LRIG3: variants seen among roughly 807,000 people sequenced by gnomAD.
LRIG3 encodes leucine rich repeats and immunoglobulin like domains 3.
Under a neutral mutation model 114.5 loss-of-function variants are expected in LRIG3, and 76 were observed. That is an observed-to-expected ratio of 0.66 (90% confidence interval 0.55 to 0.80). The LOEUF (loss-of-function observed/expected upper bound fraction) is 0.80. Ranked by LOEUF, LRIG3 falls within the 30% of genes least tolerant of loss-of-function variation. The probability of loss-of-function intolerance (pLI) is 0.00; values close to 1 mark genes in which losing one functional copy is unlikely to be tolerated. For missense variants in LRIG3, 1,239 were observed against 1,382.8 expected (o/e 0.90, Z 1.65); for synonymous variants, 512 against 519.8 (o/e 0.98, Z 0.20).
At chr12:58,884,354 G>C (rs982765624) in intron 10 of LRIG3, among the ~76,000 whole-genome samples, 35 of 152,098 alleles carry the variant, frequency 2.3e-4, no homozygotes, top group Admixed American at 6.6e-5. Context: ...CTTTACAGGG[G>C]TCACAGTATA....
intron 2 of LRIG3, 85 bp from the exon 3 acceptor site, chr12:58,914,141 C>G: frequency 2.0e-6 from 3 of 1,515,112 alleles, no homozygotes; most frequent in Non-Finnish European, 1.8e-6. Flanking sequence ...CATATTATTT[C>G]AAGATACCAC....
At chr12:58,886,651 T>G (rs1871284467) in intron 9 of LRIG3, among the ~76,000 whole-genome samples, 159 bp downstream of exon 9, 1 of 152,174 alleles carries the variant, frequency 6.6e-6, no homozygotes, top group African/African-American at 2.4e-5. Flanking sequence ...ATATACATCT[T>G]GCGCAACAGC....
chr12:58,893,531 C>T (rs945306037), intron 3 of LRIG3, among the ~76,000 whole-genome samples: 4 of 152,106 alleles, frequency 2.6e-5, no homozygotes, highest in Non-Finnish European at 5.9e-5. Context: ...TGACCATTTC[C>T]CACATCTGGA....
intron 10 of LRIG3, among the ~76,000 whole-genome samples, chr12:58,885,239 G>C (rs1871239564): frequency 6.6e-6 from 1 of 152,114 alleles, no homozygotes; most frequent in African/African-American, 2.4e-5. Context: ...CAATGGTAAG[G>C]GGGGGTTGTA....
chr12:58,904,846 T>C (rs1271126950), intron 3 of LRIG3, among the ~76,000 whole-genome samples: 1 of 152,210 alleles, frequency 6.6e-6, no homozygotes, highest in Non-Finnish European at 1.5e-5. Flanking sequence ...TCAGCTGCTG[T>C]AAAATTTCAT....
At chr12:58,907,320 G>T (rs145941755) in intron 3 of LRIG3, among the ~76,000 whole-genome samples, 2 of 152,286 alleles carry the variant, frequency 1.3e-5, no homozygotes, top group African/African-American at 4.8e-5. Flanking sequence ...AAGCCCTCAG[G>T]CTACAAATAT....
chr12:58,879,154 G>A, intron 13 of LRIG3, 49 bp from the exon 14 acceptor site: 2 of 1,520,538 alleles, frequency 1.3e-6, no homozygotes, highest in Non-Finnish European at 1.8e-6. Context: ...AGTCTTACAG[G>A]TTCACTTGCA....
In LRIG3 at chr12:58,903,235, G is replaced by C. The variant is rs746662734; in HGVS notation, c.383+10747C>G. Reference sequence around the variant, plus strand: ...CTCCACATCCTCTCCAGCACCTGTTGTTTCCTGACCTTTTAATGATCGCCA... The same window carrying C: ...CTCCACATCCTCTCCAGCACCTGTTCTTTCCTGACCTTTTAATGATCGCCA... On this transcript the variant is annotated intron_variant, in intron 3 of 18. Transcript: ENST00000320743. 1.7e-3 allele frequency among the ~76,000 whole-genome samples: 263 copies of C among 152,290 alleles called. 1 individual carries two copies. The highest frequency in any genetic ancestry group is 3.1e-3 in the Non-Finnish European group (213 of 68,020).
At chr12:58,887,325 T>C (rs1181668749) in intron 8 of LRIG3, among the ~76,000 whole-genome samples, 1 of 152,206 alleles carries the variant, frequency 6.6e-6, no homozygotes. Context: ...TGCACAACCT[T>C]AAATTACCAT....
intron 3 of LRIG3, among the ~76,000 whole-genome samples, chr12:58,910,298 G>T (rs140893428): frequency 0.012 from 1,854 of 152,288 alleles, 34 homozygotes; most frequent in East Asian, 0.089. Context: ...AATCTCTAGG[G>T]ATAGTGTCTG....
chr12:58,919,883 CAGA>C (rs1190925331), intron 1 of LRIG3, 114 bp downstream of exon 1: 2 of 1,063,134 alleles, frequency 1.9e-6, no homozygotes, highest in African/African-American at 1.6e-5. Flanking sequence ...CGGCCTGGGC[CAGA>C]AGGAGCTATA....
intron 1 of LRIG3, among the ~76,000 whole-genome samples, chr12:58,916,578 T>C (rs534095602): frequency 4.2e-4 from 64 of 152,230 alleles, no homozygotes; most frequent in Non-Finnish European, 1.3e-4. Flanking sequence ...GATGTTTTCT[T>C]AAACCCAGAT....
chr12:58,881,523 G>A (rs549049145), intron 12 of LRIG3, among the ~76,000 whole-genome samples: 5 of 151,646 alleles, frequency 3.3e-5, no homozygotes, highest in South Asian at 2.1e-4. Context: ...CAATCGTGCC[G>A]CCGCGCTGCC....
Position 58,879,044 on chromosome 12 carries a change from G to A in LRIG3, c.1863C>T (p.Arg621=). The A allele has an allele frequency of 6.2e-7, 1 of 1,614,170 alleles. No homozygotes were observed. The highest frequency in any genetic ancestry group is 8.5e-7 in the Non-Finnish European group (1 of 1,180,010). ...GGTGCCCCACAGCAGCACACTCCAAGCGTGCCATGGCCCCAGCTCGGATGG... is the reference window on the plus strand; with the variant it reads ...GGTGCCCCACAGCAGCACACTCCAAACGTGCCATGGCCCCAGCTCGGATGG... ...DLTIRAGAMA[R]LECAAVGHPA... Residue 621 remains arginine (R), a synonymous_variant, in exon 14 of 19, where the codon CGC becomes CGT. Coordinates refer to ENST00000320743, the MANE Select transcript of LRIG3 (RefSeq NM_153377.5).
Position 58,920,277 on chromosome 12 carries a change from G to C in LRIG3, c.-42C>G. 6 of 1,300,128 alleles carry C rather than the reference G, an allele frequency of 4.6e-6. No individual in the cohort carries two copies. In the South Asian group the frequency reaches 1.1e-4, roughly 25 times the overall value. The allele number at this position is 1,300,128 out of a possible 1,614,324, so 80.5% of individuals were successfully genotyped here. On this transcript the variant is annotated 5_prime_UTR_variant, in exon 1 of 19. Transcript: ENST00000320743. ...AGGTCTCTACCCGAAGCTCCCAGCC[G>C]GCGCGCGCTCGGGGCCCGGCACAAA...
At chr12:58,883,226 C>G (rs912562233) in intron 11 of LRIG3, among the ~76,000 whole-genome samples, 194 bp from the exon 12 acceptor site, 2 of 152,126 alleles carry the variant, frequency 1.3e-5, no homozygotes, top group South Asian at 2.1e-4. Flanking sequence ...TCTTACTGTC[C>G]TACTGAGACA....
At chr12:58,872,963 C>T in intron 18 of LRIG3, 147 bp from the exon 19 acceptor site, 1 of 1,106,964 alleles carries the variant, frequency 9.0e-7, no homozygotes. Context: ...CATACATGTA[C>T]ATCTGTCTTA....
At chr12:58,883,423 C>A in intron 11 of LRIG3, 97 bp downstream of exon 11, 1 of 764,882 alleles carries the variant, frequency 1.3e-6, no homozygotes, top group Non-Finnish European at 2.0e-6. Flanking sequence ...AAGAATGTGC[C>A]AGGCACTTTT....
intron 18 of LRIG3, 32 bp downstream of exon 18, chr12:58,874,023 A>T: frequency 6.2e-7 from 1 of 1,611,000 alleles, no homozygotes; most frequent in Non-Finnish European, 8.5e-7. Context: ...ATGGATCCTC[A>T]GACGAGGTAC....
Sources: allele counts gnomAD v4.1 joint callset (sites outside exome capture counted in the v4.1 genomes callset), GRCh38; gene constraint gnomAD v4.1.1; transcripts MANE v1.5; gene names NCBI Gene and HGNC (gene_info 2026-07-23, HGNC 2026-07-21).